The following SELENOI variants were observed in gnomAD, a reference collection of about 807,000 sequenced individuals.
SELENOI encodes ethanolaminephosphotransferase 1.
In SELENOI, 24 loss-of-function variants were observed where a neutral mutation model predicts 50.7. The ratio of observed to expected loss-of-function variants is 0.47; its 90% CI spans 0.34 to 0.67. The LOEUF is 0.67. Among genes scored for constraint, SELENOI ranks in the 30% least tolerant of loss-of-function variants. The pLI is 0.01. For synonymous variants in SELENOI, 155 were observed against 170.2 expected (o/e 0.91, Z 0.70); for missense variants, 352 against 461.4 (o/e 0.76, Z 2.17).
intron 1 of SELENOI, among the ~76,000 whole-genome samples, chr2:26,353,232 T>C (rs893328741): frequency 6.6e-6 from 1 of 152,156 alleles, no homozygotes; most frequent in Admixed American, 6.5e-5. Context: ...AAAAATACAA[T>C]AGTGTTTTGC....
chr2:26,361,170 C>T (rs962391335), intron 1 of SELENOI, among the ~76,000 whole-genome samples: 2 of 152,058 alleles, frequency 1.3e-5, no homozygotes, highest in East Asian at 3.9e-4. Flanking sequence ...GCCAAGATCG[C>T]GCCACTGCAC....
intron 1 of SELENOI, among the ~76,000 whole-genome samples, chr2:26,360,937 C>T (rs5016767): frequency 0.09 from 13,640 of 152,114 alleles, 1,943 homozygotes; most frequent in African/African-American, 0.3. Flanking sequence ...CCATCCTGGC[C>T]GGCACGGTGG....
chr2:26,373,605 A>G lies in SELENOI; in HGVS notation c.549A>G (p.Pro183=), dbSNP rs776208055. ...EKYNTGILFL[P]WGYDISQVTI... is the part of the protein sequence containing the mutation. Reference sequence around the variant, plus strand: ...ATAACACAGGGATTCTTTTCCTGCCATGGGGATATGACATTAGCCAGGTGG... The same window carrying G: ...ATAACACAGGGATTCTTTTCCTGCCGTGGGGATATGACATTAGCCAGGTGG... Residue 183 remains proline (P), a synonymous_variant, in exon 5 of 10, where the codon CCA becomes CCG. Coordinates refer to ENST00000260585, the MANE Select transcript of SELENOI (RefSeq NM_033505.4). 1.9e-6 allele frequency: 3 copies of G among 1,613,928 alleles called. No homozygotes were observed. The highest frequency in any genetic ancestry group is 1.7e-5 in the Admixed American group (1 of 60,016).
chr2:26,369,819 T>C (rs1677371879), intron 4 of SELENOI, among the ~76,000 whole-genome samples: 2 of 152,262 alleles, frequency 1.3e-5, no homozygotes, highest in Non-Finnish European at 2.9e-5. Context: ...TTTCTGAACA[T>C]GCATTGTGCT....
chr2:26,370,772 G>T, intron 4 of SELENOI, among the ~76,000 whole-genome samples: 1 of 143,620 alleles, frequency 7.0e-6, no homozygotes, highest in South Asian at 2.2e-4. Context: ...CGGACGGGGC[G>T]GCTGGCCGGG....
intron 4 of SELENOI, among the ~76,000 whole-genome samples, chr2:26,369,822 A>G (rs1677371945): frequency 6.6e-6 from 1 of 152,194 alleles, no homozygotes; most frequent in South Asian, 2.1e-4. Flanking sequence ...CTGAACATGC[A>G]TTGTGCTTTT....
In SELENOI at chr2:26,394,251, G is replaced by A. The variant is rs188720781; in HGVS notation, c.*5148G>A. 3 of 152,306 alleles carry A rather than the reference G, an allele frequency of 2.0e-5. No homozygotes were observed. Among genetic ancestry groups the A allele is most frequent in the African/African-American group, 2.4e-5 (1 of 41,564 alleles). The allele number at this position is 152,306 out of a possible 1,614,324, so 9.4% of individuals were successfully genotyped here. ...AATAAAAATACAAAAAAATTAGCTG[G>A]GCATGGTGGCATGTGCCTGTAATCC... On this transcript the variant is annotated 3_prime_UTR_variant, in exon 10 of 10. Transcript: ENST00000260585. The surrounding 1 kb of genome is among the most constrained non-coding windows in gnomAD (Gnocchi z 4.1).
chr2:26,382,286 G>A (rs1452350311), intron 6 of SELENOI, among the ~76,000 whole-genome samples: 1 of 152,222 alleles, frequency 6.6e-6, no homozygotes, highest in African/African-American at 2.4e-5. Flanking sequence ...TATGCAGGAA[G>A]TAGAATTGGC....
chr2:26,391,697 CTT>C lies in SELENOI; in HGVS notation c.*2598_*2599del, dbSNP rs1677973991. The stretch of plus-strand genomic sequence containing the variant: ...AGTTGCATACACCTGTAAGAAGTGT[CTT>C]TTTAGGTTATGGTATTAAAAAAGTC... On this transcript the variant is annotated 3_prime_UTR_variant, in exon 10 of 10. Coordinates refer to ENST00000260585, the MANE Select transcript of SELENOI (RefSeq NM_033505.4). 1.1e-5 allele frequency: 1 copy of C among 88,822 alleles called. No individual in the cohort carries two copies. The highest frequency in any genetic ancestry group is 4.3e-5 in the African/African-American group (1 of 23,470). The allele number at this position is 88,822 out of a possible 1,614,324, so 5.5% of individuals were successfully genotyped here.
At chr2:26,380,188 T>C (rs1417141841) in intron 6 of SELENOI, among the ~76,000 whole-genome samples, 2 of 152,244 alleles carry the variant, frequency 1.3e-5, no homozygotes, top group Non-Finnish European at 2.9e-5. Flanking sequence ...ATTTACAGAA[T>C]GAGGTATATT....
intron 6 of SELENOI, among the ~76,000 whole-genome samples, chr2:26,379,855 C>T (rs993326615): frequency 4.6e-5 from 7 of 152,122 alleles, no homozygotes; most frequent in Non-Finnish European, 1.0e-4. Flanking sequence ...ATGACAAAAT[C>T]CTTGGTTTTA....
At position 26,394,414 on chromosome 2, in the gene SELENOI, A is replaced by G. The variant is rs1678043149; in HGVS notation, c.*5311A>G. 6.6e-6 allele frequency: 1 copy of G among 152,022 alleles called. No individual in the cohort carries two copies. Among genetic ancestry groups the G allele is most frequent in the South Asian group, 2.1e-4 (1 of 4,832 alleles). 9.4% of individuals were successfully genotyped at this position (152,022 alleles called of 1,614,324 possible). ...TCTCAAAAAATAATAATAAAAATAA[A>G]CAAATCTGTTTAAATTACTGTTGCC... On this transcript the variant is annotated 3_prime_UTR_variant, in exon 10 of 10. Transcript: ENST00000260585. The surrounding 1 kb of genome is among the most constrained non-coding windows in gnomAD (Gnocchi z 4.1).
intron 1 of SELENOI, among the ~76,000 whole-genome samples, chr2:26,359,102 T>A (rs1183403369): frequency 6.6e-6 from 1 of 152,176 alleles, no homozygotes; most frequent in Non-Finnish European, 1.5e-5. Flanking sequence ...GCTTACATAT[T>A]TTCTGTGACT....
intron 1 of SELENOI, among the ~76,000 whole-genome samples, chr2:26,348,461 T>C (rs901691554): frequency 7.2e-5 from 11 of 152,228 alleles, no homozygotes; most frequent in African/African-American, 2.7e-4. Context: ...GAATAACTGC[T>C]GAAAGGGGTG....
intron 1 of SELENOI, among the ~76,000 whole-genome samples, chr2:26,348,429 T>C (rs531908187): frequency 7.9e-5 from 12 of 152,336 alleles, no homozygotes; most frequent in African/African-American, 2.6e-4. Context: ...AGAGCTACAG[T>C]TGGAAACCTG....
intron 1 of SELENOI, among the ~76,000 whole-genome samples, chr2:26,360,210 G>T (rs886943132): frequency 3.9e-5 from 6 of 152,130 alleles, no homozygotes; most frequent in African/African-American, 1.2e-4. Flanking sequence ...TCTTCTTGTG[G>T]GTTCTTAAGA....
chr2:26,393,617 A>G lies in SELENOI; in HGVS notation c.*4514A>G, dbSNP rs1678019630. On this transcript the variant is annotated 3_prime_UTR_variant, in exon 10 of 10. Transcript: ENST00000260585. ...TAGGAAAATCCACTTGGACTGCAGC[A>G]GGATTGTTCTGGTCTTCCACAGACC... The G allele has an allele frequency of 6.6e-6, 1 of 152,262 alleles. No individual in the cohort carries two copies. The highest frequency in any genetic ancestry group is 1.5e-5 in the Non-Finnish European group (1 of 68,052). The allele number at this position is 152,262 out of a possible 1,614,324, so 9.4% of individuals were successfully genotyped here. A position where few individuals can be genotyped will look rare whatever the true frequency, so the allele number is the denominator to read the frequency against.
At chr2:26,354,560 GTT>G (rs35225513) in intron 1 of SELENOI, among the ~76,000 whole-genome samples, 8 of 141,856 alleles carry the variant, frequency 5.6e-5, no homozygotes, top group South Asian at 2.2e-4. Flanking sequence ...CTAATTTTTT[GTT>G]TTTTTTTTTT....
intron 3 of SELENOI, among the ~76,000 whole-genome samples, chr2:26,366,347 T>G (rs1677287135): frequency 6.6e-6 from 1 of 152,166 alleles, no homozygotes; most frequent in African/African-American, 2.4e-5. Context: ...TTTTGTATTT[T>G]AATCCTCAGG....
Sources: gnomAD v4.1 joint callset for allele counts (sites outside exome capture counted in the v4.1 genomes callset) on GRCh38, gnomAD v4.1.1 for gene constraint, Gnocchi (gnomAD v3.1) non-coding constraint, MANE v1.5 for transcripts, NCBI Gene and HGNC (gene_info 2026-07-23, HGNC 2026-07-21) for gene names.